SESTD1: variants seen among roughly 807,000 people sequenced by gnomAD.
SESTD1 encodes the protein SEC14 domain and spectrin repeat-containing protein 1.
SESTD1 carries 43 observed loss-of-function variants against 101.7 expected under a neutral mutation model. The observed-to-expected ratio is 0.42, with a 90% CI of 0.33 to 0.55. The LOEUF is 0.55. Among genes scored for constraint, SESTD1 ranks in the 20% least tolerant of loss-of-function variants. SESTD1 has a pLI of 0.07. For synonymous variants in SESTD1, 283 were observed against 286.8 expected (o/e 0.99, Z 0.13); for missense variants, 647 against 815.1 (o/e 0.79, Z 2.51).
chr2:179,198,287 G>C (rs1574029301), intron 1 of SESTD1, among the ~76,000 whole-genome samples: 1 of 152,274 alleles, frequency 6.6e-6, no homozygotes, highest in East Asian at 1.9e-4. Flanking sequence ...CAATACAGGA[G>C]CACCCAGATT....
intron 5 of SESTD1, among the ~76,000 whole-genome samples, chr2:179,153,356 C>T (rs1348636518): frequency 6.6e-6 from 1 of 152,072 alleles, no homozygotes; most frequent in Non-Finnish European, 1.5e-5. Flanking sequence ...TCCCCAACAA[C>T]CTTAAGAAAA....
chr2:179,112,687 C>T, intron 17 of SESTD1, 37 bp downstream of exon 17: 1 of 1,557,170 alleles, frequency 6.4e-7, no homozygotes, highest in Non-Finnish European at 8.6e-7. Context: ...TAAGACCACA[C>T]CAATAAAAAA....
At chr2:179,198,063 C>A (rs1331245683) in intron 1 of SESTD1, among the ~76,000 whole-genome samples, 1 of 151,984 alleles carries the variant, frequency 6.6e-6, no homozygotes, top group Non-Finnish European at 1.5e-5. Flanking sequence ...TTCAGGAAAC[C>A]CACCTCACAT....
At chr2:179,121,736 T>C (rs763365085) in intron 13 of SESTD1, 34 bp downstream of exon 13, 2 of 1,517,576 alleles carry the variant, frequency 1.3e-6, no homozygotes, top group Non-Finnish European at 1.8e-6. Flanking sequence ...ATTGTTATTA[T>C]TTTAGTAAAA....
intron 1 of SESTD1, among the ~76,000 whole-genome samples, chr2:179,197,567 G>C (rs561596967): frequency 1.3e-5 from 2 of 152,104 alleles, no homozygotes; most frequent in East Asian, 3.9e-4. Context: ...GAGAAAGGTC[G>C]GGTTACCCTC....
At chr2:179,229,816 C>A (rs113411711) in intron 1 of SESTD1, among the ~76,000 whole-genome samples, 21 of 134,740 alleles carry the variant, frequency 1.6e-4, no homozygotes, top group African/African-American at 5.9e-4. Context: ...CACACACACA[C>A]AACCCTACTT....
rs1010079592 is a variant in SESTD1 at position 179,245,542 on chromosome 2, A to C, written c.-26+18957T>G. Among the ~76,000 whole-genome samples, 10 of 143,344 alleles carry C rather than the reference A, an allele frequency of 7.0e-5. No homozygotes were observed. In the South Asian group the frequency reaches 9.2e-4, roughly 13 times the overall value. 94.0% of individuals were successfully genotyped at this position (143,344 alleles called of 152,430 possible). A position where few individuals can be genotyped will look rare whatever the true frequency, so the allele number is the denominator to read the frequency against. Reference sequence around the variant, plus strand: ...AAAAAAAAAAAAAAAAAAAAAAAAAAGTAGCCAGATATGGTGGCACACACC... The same window carrying C: ...AAAAAAAAAAAAAAAAAAAAAAAAACGTAGCCAGATATGGTGGCACACACC... On this transcript the variant is annotated intron_variant, in intron 1 of 17. Transcript: ENST00000428443.
At chr2:179,219,293 C>G (rs1335928065) in intron 1 of SESTD1, among the ~76,000 whole-genome samples, 1 of 152,184 alleles carries the variant, frequency 6.6e-6, no homozygotes, top group African/African-American at 2.4e-5. Context: ...TGAGTGGGTA[C>G]ACTAGAACTC....
chr2:179,239,149 A>G (rs1482833900), intron 1 of SESTD1, among the ~76,000 whole-genome samples: 1 of 152,190 alleles, frequency 6.6e-6, no homozygotes, highest in Non-Finnish European at 1.5e-5. Context: ...TAATTCAACA[A>G]AAGTCTACAG....
At chr2:179,249,396 TA>T (rs2047281411) in intron 1 of SESTD1, among the ~76,000 whole-genome samples, 1 of 152,022 alleles carries the variant, frequency 6.6e-6, no homozygotes, top group Non-Finnish European at 1.5e-5. Context: ...CAATGAAATT[TA>T]AAAAACAATA....
intron 10 of SESTD1, among the ~76,000 whole-genome samples, chr2:179,131,533 T>A (rs916116366): frequency 6.6e-6 from 1 of 152,116 alleles, no homozygotes; most frequent in Admixed American, 6.5e-5. Flanking sequence ...GGATTCAAAT[T>A]TTATTTTTCC....
At chr2:179,199,324 A>C (rs1376868016) in intron 1 of SESTD1, among the ~76,000 whole-genome samples, 1 of 152,158 alleles carries the variant, frequency 6.6e-6, no homozygotes, top group Non-Finnish European at 1.5e-5. Context: ...TAGCTTACCA[A>C]CCAAAAAGAG....
In SESTD1 at chr2:179,105,175, CTGTT is replaced by C. The variant is rs375777487; in HGVS notation, c.*4720_*4723del. On this transcript the variant is annotated 3_prime_UTR_variant, in exon 18 of 18. Transcript: ENST00000428443. ...AATTGTGGTCTTTTCATGCTTTGTT[CTGTT>C]TTTTTTTTTTTTTTAACCTCATTAT... 43 of 120,648 alleles carry C rather than the reference CTGTT, an allele frequency of 3.6e-4. No individual in the cohort carries two copies. The highest frequency in any genetic ancestry group is 1.7e-3 in the African/African-American group (42 of 25,140). The allele number at this position is 120,648 out of a possible 1,614,324, so 7.5% of individuals were successfully genotyped here. A position where few individuals can be genotyped will look rare whatever the true frequency, so the allele number is the denominator to read the frequency against.
At chr2:179,166,912 T>G (rs769634953) in intron 5 of SESTD1, among the ~76,000 whole-genome samples, 11 of 152,180 alleles carry the variant, frequency 7.2e-5, no homozygotes, top group Non-Finnish European at 1.6e-4. Flanking sequence ...ATCAAAAGCC[T>G]AGGAAAAGGG....
rs968076921 is a variant in SESTD1, at chr2:179,110,002, C to T, written c.1988G>A (p.Ser663Asn). Residue 663 changes from serine to asparagine, a missense_variant, in exon 18 of 18, where the codon AGT becomes AAT. Ser to Asn is a conservative substitution (Grantham distance 46, BLOSUM62 1). This residue lies in a region of SESTD1 where 476 missense variants were observed against 562.6 expected (regional missense o/e 0.85). Transcript: ENST00000428443. Reference protein sequence around the residue: ...DGTEQYFGSPSDMASTAENIR... With the variant: ...DGTEQYFGSPNDMASTAENIR... Reference sequence around the variant, plus strand: ...GTTTTCTGCAGTAGAAGCCATGTCACTTGGACTCCCAAAATATTGTTCGGT... The same window carrying T: ...GTTTTCTGCAGTAGAAGCCATGTCATTTGGACTCCCAAAATATTGTTCGGT... The T allele has an allele frequency of 3.7e-6, 6 of 1,613,774 alleles. No homozygotes were observed. In the Admixed American group the frequency reaches 1.0e-4, roughly 27 times the overall value.
At chr2:179,148,520 T>C (rs1442789339) in intron 7 of SESTD1, among the ~76,000 whole-genome samples, 1 of 152,202 alleles carries the variant, frequency 6.6e-6, no homozygotes, top group Non-Finnish European at 1.5e-5. Flanking sequence ...CATAAAACAC[T>C]AAATTCCCCA....
intron 6 of SESTD1, among the ~76,000 whole-genome samples, chr2:179,150,975 T>C (rs1434293458): frequency 6.6e-6 from 1 of 152,212 alleles, no homozygotes; most frequent in Non-Finnish European, 1.5e-5. Context: ...TGTATATTCA[T>C]TTCATTTTAC....
chr2:179,203,175 C>T (rs1446668380), intron 1 of SESTD1, among the ~76,000 whole-genome samples: 1 of 134,860 alleles, frequency 7.4e-6, no homozygotes, highest in African/African-American at 2.9e-5. Flanking sequence ...CAGATAGCCC[C>T]CTTGCAGCAT....
At chr2:179,124,219 G>T (rs576931566) in intron 11 of SESTD1, 145 bp downstream of exon 11, 2 of 753,618 alleles carry the variant, frequency 2.7e-6, no homozygotes, top group Non-Finnish European at 4.1e-6. Context: ...AAAAATCAAA[G>T]AATTTTATCT....
Sources: allele counts gnomAD v4.1 joint callset (sites outside exome capture counted in the v4.1 genomes callset), GRCh38; gene constraint gnomAD v4.1.1; regional missense constraint gnomAD v4.1.1; transcripts MANE v1.5; gene names NCBI Gene and HGNC (gene_info 2026-07-23, HGNC 2026-07-21).